Variants in BIRC6 observed in about 807,000 individuals in gnomAD.
The protein encoded by BIRC6 is dual E2 ubiquitin-conjugating enzyme/E3 ubiquitin-protein ligase BIRC6.
Under a neutral mutation model 503.3 loss-of-function variants are expected in BIRC6, and 98 were observed. The ratio of observed to expected loss-of-function variants is 0.19; its 90% CI spans 0.17 to 0.23. The LOEUF (loss-of-function observed/expected upper bound fraction) is 0.23, where lower values mean the gene tolerates loss of function less well. Among genes scored for constraint, BIRC6 ranks in the 10% least tolerant of loss-of-function variants. BIRC6 has a pLI of 1.00. For synonymous variants in BIRC6, 2,240 were observed against 2,078.7 expected, an observed-to-expected ratio of 1.08 and a Z score of -2.11; for missense variants, 5,360 against 5,806.0, an observed-to-expected ratio of 0.92 and a Z score of 2.50.
At chr2:32,426,314 A>G (rs1350249711) in intron 10 of BIRC6, among the ~76,000 whole-genome samples, 1 of 152,250 alleles carries the variant, frequency 6.6e-6, no homozygotes, top group Non-Finnish European at 1.5e-5. Context: ...TATAAACCCA[A>G]CAGAATGGCC....
At chr2:32,453,362 T>C (rs898015603) in intron 22 of BIRC6, among the ~76,000 whole-genome samples, 8 of 152,324 alleles carry the variant, frequency 5.3e-5, no homozygotes, top group Middle Eastern at 3.4e-3. Flanking sequence ...GTTCATCCTT[T>C]GTTTTGTGTC....
At chr2:32,365,510 A>G (rs971428872) in intron 1 of BIRC6, among the ~76,000 whole-genome samples, 68 of 152,098 alleles carry the variant, frequency 4.5e-4, no homozygotes, top group Non-Finnish European at 1.6e-4. Context: ...TAGTAGAGAC[A>G]GGGTTTCACA....
At position 32,442,381 on chromosome 2, in the gene BIRC6, C is replaced by A; in HGVS notation, c.4164C>A (p.Ile1388=). The change falls in exon 19 of 74, where the codon ATC becomes ATA. Residue 1388 remains isoleucine, a synonymous_variant. Transcript: ENST00000421745. ...AAACACGAAAATTTCTGTCAGACAT[C>A]GTACGTGTTTGCTTCTTTGAGGCAG... ...LSKTRKFLSD[I]VRVCFFEAGR... 6.2e-7 allele frequency: 1 copy of A among 1,611,736 alleles called. No homozygotes were observed. Among genetic ancestry groups the A allele is most frequent in the Non-Finnish European group, 8.5e-7 (1 of 1,178,850 alleles).
intron 61 of BIRC6, among the ~76,000 whole-genome samples, chr2:32,534,675 T>G (rs2250220): frequency 1 from 145,849 of 145,850 alleles, 72,924 homozygotes; most frequent in Non-Finnish European, 1. Context: ...AGGCTGCAGT[T>G]AACCAAGATC....
intron 73 of BIRC6, among the ~76,000 whole-genome samples, chr2:32,613,626 T>G (rs1282511470): frequency 1.3e-5 from 2 of 152,098 alleles, no homozygotes; most frequent in African/African-American, 4.8e-5. Flanking sequence ...CTTGAACTCC[T>G]GACCTCAAGT....
intron 60 of BIRC6, among the ~76,000 whole-genome samples, chr2:32,531,005 G>A (rs534826348): frequency 4.6e-5 from 7 of 152,128 alleles, no homozygotes; most frequent in African/African-American, 1.7e-4. Context: ...TAGGATATAC[G>A]TTAAAGTATG....
chr2:32,399,098 T>G (rs1157945581), intron 6 of BIRC6, among the ~76,000 whole-genome samples: 1 of 152,130 alleles, frequency 6.6e-6, no homozygotes, highest in Admixed American at 6.5e-5. Context: ...TTTATTTATT[T>G]TTTTGGAGAC....
intron 13 of BIRC6, 132 bp downstream of exon 13, chr2:32,433,936 AT>A: frequency 1.4e-6 from 1 of 721,250 alleles, no homozygotes. Context: ...ACTTTTTGTG[AT>A]TTTATTTAAA....
At chr2:32,393,448 C>A (rs1238177906) in intron 5 of BIRC6, among the ~76,000 whole-genome samples, 1 of 152,138 alleles carries the variant, frequency 6.6e-6, no homozygotes, top group Non-Finnish European at 1.5e-5. Flanking sequence ...GTTACCACTG[C>A]TAAAAGAATC....
At position 32,545,689 on chromosome 2, in the gene BIRC6, T is replaced by G; in HGVS notation, c.12639T>G (p.Pro4213=). The change falls in exon 63 of 74, where the codon CCT becomes CCG. Residue 4213 remains proline, a synonymous_variant. Coordinates refer to ENST00000421745, the MANE Select transcript of BIRC6 (RefSeq NM_016252.4). ...CAGCCAATGTGCTTCCAACCCTTCC[T>G]TTCCACGTCCTTCGTAGCTTGTTTA... ...SPSANVLPTL[P]FHVLRSLFST... is the part of the protein sequence containing the mutation. 1 of 1,613,958 alleles carries G rather than the reference T, an allele frequency of 6.2e-7. No homozygotes were observed. Among genetic ancestry groups the G allele is most frequent in the Non-Finnish European group, 8.5e-7 (1 of 1,179,844 alleles).
chr2:32,496,185 G>C (rs1367725959), intron 45 of BIRC6, among the ~76,000 whole-genome samples: 2 of 151,068 alleles, frequency 1.3e-5, no homozygotes, highest in Admixed American at 1.3e-4. Flanking sequence ...TCCCTTTGTA[G>C]TTTTTCAAAT....
At chr2:32,460,264 ATATATATATTT>A (rs1272143629) in intron 23 of BIRC6, among the ~76,000 whole-genome samples, 3 of 29,476 alleles carry the variant, frequency 1.0e-4, no homozygotes, top group African/African-American at 4.1e-4. Context: ...ATATATATAT[ATATATATATTT>A]TTTTTTTTTT....
chr2:32,501,527 A>G (rs1426157964), intron 46 of BIRC6, among the ~76,000 whole-genome samples, 186 bp from the exon 47 acceptor site: 2 of 152,092 alleles, frequency 1.3e-5, no homozygotes, highest in Non-Finnish European at 2.9e-5. Flanking sequence ...TTTTGGAAAA[A>G]GTGACTTTTC....
At chr2:32,569,047 T>C (rs972924254) in intron 65 of BIRC6, among the ~76,000 whole-genome samples, 6 of 148,434 alleles carry the variant, frequency 4.0e-5, no homozygotes, top group African/African-American at 1.5e-4. Flanking sequence ...GCAAGTGCAG[T>C]GGTGCGATCT....
At chr2:32,580,702 C>T (rs1298413331) in intron 66 of BIRC6, among the ~76,000 whole-genome samples, 2 of 152,112 alleles carry the variant, frequency 1.3e-5, no homozygotes, top group African/African-American at 4.8e-5. Context: ...ACCAAACTAC[C>T]ATGGAAGAGA....
chr2:32,364,865 A>C (rs2034662387), intron 1 of BIRC6, among the ~76,000 whole-genome samples: 1 of 151,636 alleles, frequency 6.6e-6, no homozygotes, highest in East Asian at 1.9e-4. Context: ...CTCAAGAAAT[A>C]ATTTTTTTTG....
At chr2:32,573,370 G>T (rs937330244) in intron 65 of BIRC6, among the ~76,000 whole-genome samples, 1 of 151,946 alleles carries the variant, frequency 6.6e-6, no homozygotes, top group African/African-American at 2.4e-5. Flanking sequence ...GCTAATTTTC[G>T]TATTTAGTAG....
Position 32,543,222 on chromosome 2 carries a change from C to T in BIRC6, c.12292-19C>T. On this transcript the variant is annotated intron_variant, in intron 61 of 73. Coordinates refer to ENST00000421745, the MANE Select transcript of BIRC6 (RefSeq NM_016252.4). The stretch of plus-strand genomic sequence containing the variant: ...TTGAAAATGTGAATGGCCAAGCCAA[C>T]ACTTTTCTTTTTCTTTAGGTGAGTG... The T allele has an allele frequency of 6.2e-7, 1 of 1,608,366 alleles. No individual in the cohort carries two copies. The highest frequency in any genetic ancestry group is 8.5e-7 in the Non-Finnish European group (1 of 1,175,824).
chr2:32,500,992 A>AGTATTATT (rs2053123619), intron 46 of BIRC6, among the ~76,000 whole-genome samples: 2 of 152,138 alleles, frequency 1.3e-5, no homozygotes, highest in South Asian at 4.1e-4. Context: ...GTTGAAGACA[A>AGTATTATT]GTATTATTTG....
Sources: allele counts gnomAD v4.1 joint callset (sites outside exome capture counted in the v4.1 genomes callset), GRCh38; gene constraint gnomAD v4.1.1; transcripts MANE v1.5; gene names NCBI Gene and HGNC (gene_info 2026-07-23, HGNC 2026-07-21).